ZNF879: variants seen among roughly 807,000 people sequenced by gnomAD.
The protein encoded by ZNF879 is zinc finger protein 879.
A neutral mutation model predicts 44.3 loss-of-function variants in ZNF879; 32 were observed. That is an observed-to-expected ratio of 0.72 (90% confidence interval 0.54 to 0.97). ZNF879 has a LOEUF of 0.97. Among genes scored for constraint, ZNF879 ranks in the 50% least tolerant of loss-of-function variants. ZNF879 has a pLI of 0.00. For synonymous variants in ZNF879, 234 were observed against 233.2 expected (o/e 1.00, Z -0.03); for missense variants, 621 against 669.7 (o/e 0.93, Z 0.80).
At chr5:179,025,637 G>T (rs1196260811) in intron 2 of ZNF879, among the ~76,000 whole-genome samples, 1 of 151,978 alleles carries the variant, frequency 6.6e-6, no homozygotes, top group Non-Finnish European at 1.5e-5. Flanking sequence ...CTAACACGGG[G>T]AATTTGAAAA....
chr5:179,028,974 A>G (rs1326109542), intron 4 of ZNF879, among the ~76,000 whole-genome samples: 1 of 152,156 alleles, frequency 6.6e-6, no homozygotes, highest in East Asian at 1.9e-4. Flanking sequence ...TGGCTCGACT[A>G]GAATATTTTC....
chr5:179,028,414 A>G (rs1761329439), intron 4 of ZNF879, among the ~76,000 whole-genome samples: 1 of 151,948 alleles, frequency 6.6e-6, no homozygotes, highest in African/African-American at 2.4e-5. Context: ...CCTTGCTTTT[A>G]CTGGATTGAT....
chr5:179,028,736 C>T (rs1761339943), intron 4 of ZNF879, among the ~76,000 whole-genome samples: 1 of 152,180 alleles, frequency 6.6e-6, no homozygotes, highest in South Asian at 2.1e-4. Flanking sequence ...CAGATCCCAG[C>T]TCCTAAGGCA....
chr5:179,026,645 A>G (rs565401381), intron 2 of ZNF879, among the ~76,000 whole-genome samples: 273 of 152,246 alleles, frequency 1.8e-3, no homozygotes, highest in African/African-American at 6.1e-3. Flanking sequence ...ACCACACCCA[A>G]TTAATTAAAA....
intron 4 of ZNF879, among the ~76,000 whole-genome samples, chr5:179,029,485 T>C (rs1313035046): frequency 6.6e-6 from 1 of 152,166 alleles, no homozygotes; most frequent in African/African-American, 2.4e-5. Flanking sequence ...AGAAAATAAA[T>C]AGATCTGTAG....
intron 4 of ZNF879, among the ~76,000 whole-genome samples, chr5:179,030,626 C>CTA (rs1213494850): frequency 1.3e-5 from 2 of 152,126 alleles, no homozygotes; most frequent in Non-Finnish European, 2.9e-5. Context: ...TTCTGGTGAG[C>CTA]TATGTCCCAC....
chr5:179,027,455 G>C lies in ZNF879; in HGVS notation c.34-18G>C, dbSNP rs763964848. ...TGGGGACAGTCCTGGATGAACAGGA[G>C]TGGGTTTGCCATTCCAGGAGTCCGT... On this transcript the variant is annotated intron_variant, in intron 2 of 4. Coordinates refer to ENST00000444149, the MANE Select transcript of ZNF879 (RefSeq NM_001136116.3). 1.2e-5 allele frequency: 20 copies of C among 1,613,316 alleles called. No homozygotes were observed. The highest frequency in any genetic ancestry group is 1.7e-5 in the Non-Finnish European group (20 of 1,179,732).
Position 179,033,432 on chromosome 5 carries a change from A to G in ZNF879, c.1484A>G (p.Gln495Arg). The stretch of plus-strand genomic sequence containing the variant: ...AATGACTGTGAGAAAGCCTTCAACC[A>G]AAGCTCAGCTCTAATTCAGCACCAG... ...KCNDCEKAFNQSSALIQHQRI... is the reference protein window; with the variant it reads ...KCNDCEKAFNRSSALIQHQRI... Residue 495 changes from glutamine (Q) to arginine (R), a missense_variant, in exon 5 of 5, where the codon CAA becomes CGA. Transcript: ENST00000444149. 7 of 1,563,230 alleles carry G rather than the reference A, an allele frequency of 4.5e-6. No homozygotes were observed. Among genetic ancestry groups the G allele is most frequent in the Non-Finnish European group, 6.1e-6 (7 of 1,153,714 alleles).
intron 4 of ZNF879, among the ~76,000 whole-genome samples, chr5:179,030,168 T>C (rs1561735512): frequency 6.6e-6 from 1 of 152,240 alleles, no homozygotes. Context: ...GTTACCATTT[T>C]TCCCTTATTA....
At chr5:179,030,800 A>T (rs1761396503) in intron 4 of ZNF879, among the ~76,000 whole-genome samples, 1 of 152,212 alleles carries the variant, frequency 6.6e-6, no homozygotes, top group African/African-American at 2.4e-5. Flanking sequence ...TGAATCAATG[A>T]TTCCATTTCT....
chr5:179,030,550 G>A (rs1221122360), intron 4 of ZNF879, among the ~76,000 whole-genome samples: 1 of 152,096 alleles, frequency 6.6e-6, no homozygotes, highest in African/African-American at 2.4e-5. Context: ...GTGAAATGGA[G>A]GTAAAGGAAG....
At position 179,030,305 on chromosome 5, in the gene ZNF879, G is replaced by C. The variant is rs189031162; in HGVS notation, c.257-1900G>C. On this transcript the variant is annotated intron_variant, in intron 4 of 4. Coordinates refer to ENST00000444149, the MANE Select transcript of ZNF879 (RefSeq NM_001136116.3). ...GGTTTTATTAAAATCAATTCCAAGT[G>C]TAGAAATGTTAAGATAATTTCTGCA... 1.8e-3 allele frequency among the ~76,000 whole-genome samples: 273 copies of C among 152,276 alleles called. 1 individual carries two copies. The highest frequency in any genetic ancestry group is 6.2e-3 in the African/African-American group (257 of 41,564).
chr5:179,027,984 C>G lies in ZNF879; in HGVS notation c.161-48C>G, dbSNP rs746942233. ...CTGCCCTGGGCACTCTGGGGCTGGA[C>G]CCGCCTGCTACGATGGCCGCTCACG... On this transcript the variant is annotated intron_variant, in intron 3 of 4. Transcript: ENST00000444149. 4.6e-6 allele frequency: 7 copies of G among 1,516,578 alleles called. No homozygotes were observed. In the Admixed American group the frequency reaches 1.4e-4, roughly 30 times the overall value. 93.9% of individuals were successfully genotyped at this position (1,516,578 alleles called of 1,614,324 possible). A position where few individuals can be genotyped will look rare whatever the true frequency, so the allele number is the denominator to read the frequency against.
intron 4 of ZNF879, among the ~76,000 whole-genome samples, chr5:179,030,476 T>G: frequency 6.6e-6 from 1 of 152,232 alleles, no homozygotes; most frequent in South Asian, 2.1e-4. Flanking sequence ...ACATATTATA[T>G]TGCCATTAAA....
intron 4 of ZNF879, among the ~76,000 whole-genome samples, chr5:179,031,803 C>T (rs2113066306): frequency 6.6e-6 from 1 of 152,342 alleles, no homozygotes; most frequent in East Asian, 1.9e-4. Context: ...CACTGCTTGA[C>T]ATCCTGTGTT....
chr5:179,032,394 A>T lies in ZNF879; in HGVS notation c.446A>T (p.Tyr149Phe), dbSNP rs1034980981. The change falls in exon 5 of 5, where the codon TAC becomes TTC. Residue 149 changes from tyrosine (Y) to phenylalanine (F), a missense_variant. Tyr to Phe is a conservative substitution (Grantham distance 22, BLOSUM62 3). Coordinates refer to ENST00000444149, the MANE Select transcript of ZNF879 (RefSeq NM_001136116.3). ...GTGTTAGTTACCATCAAAAAAGTCT[A>T]CATGAAGGAGAGGAGCTTTAAAGGT... ...SKVLVTIKKV[Y>F]MKERSFKGVE... 3 of 1,551,330 alleles carry T rather than the reference A, an allele frequency of 1.9e-6. No individual in the cohort carries two copies. The highest frequency in any genetic ancestry group is 2.6e-6 in the Non-Finnish European group (3 of 1,146,926).
At chr5:179,030,681 A>G (rs1198387113) in intron 4 of ZNF879, among the ~76,000 whole-genome samples, 11 of 150,768 alleles carry the variant, frequency 7.3e-5, no homozygotes, top group African/African-American at 2.5e-4. Context: ...TGGGTGAGCT[A>G]TGTGTTCATT....
In ZNF879 at chr5:179,032,821, G is replaced by A; in HGVS notation, c.873G>A (p.Lys291=). The A allele has an allele frequency of 6.4e-7, 1 of 1,555,104 alleles. No individual in the cohort carries two copies. Among genetic ancestry groups the A allele is most frequent in the African/African-American group, 1.4e-5 (1 of 73,156 alleles). Residue 291 remains lysine, a synonymous_variant, in exon 5 of 5, where the codon AAG becomes AAA. Coordinates refer to ENST00000444149, the MANE Select transcript of ZNF879 (RefSeq NM_001136116.3). ...MHTGERPYKC[K]ECGKTFKGSS... is the part of the protein sequence containing the mutation. ...CTGGAGAGAGACCTTATAAATGCAA[G>A]GAATGTGGAAAAACATTTAAAGGTA...
chr5:179,029,913 C>CTA (rs965495567), intron 4 of ZNF879, among the ~76,000 whole-genome samples: 1 of 152,180 alleles, frequency 6.6e-6, no homozygotes, highest in Non-Finnish European at 1.5e-5. Flanking sequence ...GCCAATTAAA[C>CTA]AGTCTTCCTT....
Sources: allele counts gnomAD v4.1 joint callset (sites outside exome capture counted in the v4.1 genomes callset), GRCh38; gene constraint gnomAD v4.1.1; transcripts MANE v1.5; gene names NCBI Gene and HGNC (gene_info 2026-07-23, HGNC 2026-07-21).